NR3C2: variants seen among roughly 807,000 people sequenced by gnomAD.
The protein encoded by NR3C2 is mineralocorticoid receptor.
NR3C2 carries 15 observed loss-of-function variants against 86.4 expected under a neutral mutation model. That is an observed-to-expected ratio of 0.17 (90% confidence interval 0.12 to 0.27). The LOEUF (loss-of-function observed/expected upper bound fraction) is 0.27. Among genes scored for constraint, NR3C2 ranks in the 10% least tolerant of loss-of-function variants. NR3C2 has a pLI of 1.00. For synonymous variants in NR3C2, 458 were observed against 450.5 expected (o/e 1.02, Z -0.21); for missense variants, 960 against 1,195.6 (o/e 0.80, Z 2.91).
intron 8 of NR3C2, among the ~76,000 whole-genome samples, chr4:148,087,964 A>G (rs905946956): frequency 6.6e-6 from 1 of 152,202 alleles, no homozygotes; most frequent in African/African-American, 2.4e-5. Context: ...TTTGCAATCT[A>G]TCCATCTGAC....
chr4:148,330,175 T>C (rs924782133), intron 2 of NR3C2, among the ~76,000 whole-genome samples: 2 of 152,230 alleles, frequency 1.3e-5, no homozygotes, highest in Non-Finnish European at 2.9e-5. Context: ...GACACTGTTT[T>C]TGTCTTCATA....
chr4:148,195,607 C>A (rs1292526840), intron 3 of NR3C2, among the ~76,000 whole-genome samples: 1 of 151,858 alleles, frequency 6.6e-6, no homozygotes, highest in African/African-American at 2.4e-5. Flanking sequence ...ATAATAAGCA[C>A]TAGGGAGAAA....
chr4:148,297,495 C>T (rs1561025766), intron 2 of NR3C2, among the ~76,000 whole-genome samples: 1 of 152,196 alleles, frequency 6.6e-6, no homozygotes, highest in Non-Finnish European at 1.5e-5. Context: ...CATGGTGGCT[C>T]ATGCCTATAA....
chr4:148,129,845 C>G (rs563679716), intron 6 of NR3C2, among the ~76,000 whole-genome samples: 4 of 152,152 alleles, frequency 2.6e-5, no homozygotes, highest in Non-Finnish European at 5.9e-5. Flanking sequence ...ATCTGCCCCC[C>G]GCTTCGCCTC....
At chr4:148,131,074 C>T (rs973107521) in intron 6 of NR3C2, among the ~76,000 whole-genome samples, 1 of 152,030 alleles carries the variant, frequency 6.6e-6, no homozygotes, top group Non-Finnish European at 1.5e-5. Flanking sequence ...CCTTGTGATC[C>T]GCCTGCCTCG....
intron 2 of NR3C2, among the ~76,000 whole-genome samples, chr4:148,373,889 T>G (rs925227653): frequency 5.3e-5 from 8 of 152,206 alleles, no homozygotes; most frequent in Non-Finnish European, 2.9e-5. Flanking sequence ...TTATCCTTAT[T>G]CTAGAAGCAA....
rs567275416 is a variant in NR3C2, at chr4:148,093,847, AG to A, written c.2800-12349del. Among the ~76,000 whole-genome samples, 8 of 152,250 alleles carry A rather than the reference AG, an allele frequency of 5.3e-5. No individual in the cohort carries two copies. In the South Asian group the frequency reaches 1.2e-3, roughly 24 times the overall value. The stretch of plus-strand genomic sequence containing the variant: ...AATGAAAGGAAAAAAGATAAATACA[AG>A]TAGATCAAAATTAAAAACTGTGCAT... On this transcript the variant is annotated intron_variant, in intron 8 of 8. Coordinates refer to ENST00000358102, the MANE Select transcript of NR3C2 (RefSeq NM_000901.5).
intron 6 of NR3C2, among the ~76,000 whole-genome samples, chr4:148,148,570 C>A (rs1402789125): frequency 1.3e-5 from 2 of 152,182 alleles, no homozygotes; most frequent in Non-Finnish European, 1.5e-5. Context: ...CACTGTCTTG[C>A]TCTTAGTTCA....
chr4:148,127,735 C>T (rs982464984), intron 6 of NR3C2, among the ~76,000 whole-genome samples: 1 of 152,188 alleles, frequency 6.6e-6, no homozygotes, highest in Non-Finnish European at 1.5e-5. Context: ...TCTAGAGACC[C>T]ATTCCAGAGG....
chr4:148,332,310 A>G (rs1255163644), intron 2 of NR3C2, among the ~76,000 whole-genome samples: 1 of 152,214 alleles, frequency 6.6e-6, no homozygotes, highest in Non-Finnish European at 1.5e-5. Context: ...AGTACTTATA[A>G]TGATCACTAC....
intron 4 of NR3C2, among the ~76,000 whole-genome samples, chr4:148,180,624 TG>T (rs1235129037): frequency 1.3e-5 from 2 of 152,200 alleles, no homozygotes; most frequent in African/African-American, 2.4e-5. Context: ...AAACCATCTT[TG>T]GTGTTCTAAC....
intron 2 of NR3C2, among the ~76,000 whole-genome samples, chr4:148,399,514 G>T (rs1302480781): frequency 6.6e-6 from 1 of 151,680 alleles, no homozygotes; most frequent in Non-Finnish European, 1.5e-5. Context: ...ATTCCTGGAA[G>T]GGTTATCCAT....
chr4:148,416,629 G>T (rs932951317), intron 2 of NR3C2, among the ~76,000 whole-genome samples: 1 of 152,164 alleles, frequency 6.6e-6, no homozygotes, highest in Non-Finnish European at 1.5e-5. Flanking sequence ...ATCCAAGAGC[G>T]ATGGTCTCTA....
chr4:148,187,019 T>TGTG (rs1735950630), intron 4 of NR3C2, among the ~76,000 whole-genome samples: 2 of 108,500 alleles, frequency 1.8e-5, no homozygotes, highest in African/African-American at 6.9e-5. Context: ...TATATATATA[T>TGTG]ATATATATAT....
At chr4:148,412,700 A>T (rs145635727) in intron 2 of NR3C2, among the ~76,000 whole-genome samples, 1 of 152,178 alleles carries the variant, frequency 6.6e-6, no homozygotes, top group Non-Finnish European at 1.5e-5. Flanking sequence ...TCTTTTACTT[A>T]TTTATATTTT....
chr4:148,261,251 A>G (rs148691804), intron 2 of NR3C2, among the ~76,000 whole-genome samples: 1,573 of 148,152 alleles, frequency 0.011, 21 homozygotes, highest in South Asian at 0.04. Flanking sequence ...GCTATGGTGC[A>G]CTATGGTCAG....
intron 3 of NR3C2, among the ~76,000 whole-genome samples, chr4:148,250,426 A>G (rs1200104586): frequency 6.6e-6 from 1 of 152,170 alleles, no homozygotes; most frequent in Non-Finnish European, 1.5e-5. Context: ...ACGAGGACTG[A>G]CAACAGCACA....
chr4:148,156,291 A>C (rs1386175677), intron 4 of NR3C2, among the ~76,000 whole-genome samples: 1 of 152,248 alleles, frequency 6.6e-6, no homozygotes, highest in Non-Finnish European at 1.5e-5. Context: ...GAGCTTCTGC[A>C]CAGCAAAAGA....
chr4:148,125,941 A>G (rs985798574), intron 6 of NR3C2, among the ~76,000 whole-genome samples: 5 of 152,220 alleles, frequency 3.3e-5, no homozygotes, highest in Admixed American at 6.5e-5. Flanking sequence ...GTTCTACAAA[A>G]TTTTTGAGAG....
Sources: gnomAD v4.1 joint callset for allele counts (sites outside exome capture counted in the v4.1 genomes callset) on GRCh38, gnomAD v4.1.1 for gene constraint, MANE v1.5 for transcripts, NCBI Gene and HGNC (gene_info 2026-07-23, HGNC 2026-07-21) for gene names.